The following ASTN2 variants were observed in gnomAD, a reference collection of about 807,000 sequenced individuals.
The protein encoded by ASTN2 is astrotactin-2.
In ASTN2, 54 loss-of-function variants were observed where a neutral mutation model predicts 139.8. That is an observed-to-expected ratio of 0.39 (90% CI 0.31 to 0.48). The LOEUF (loss-of-function observed/expected upper bound fraction) is 0.48. Ranked by LOEUF, ASTN2 falls within the 20% of genes least tolerant of loss-of-function variation. ASTN2 has a pLI of 0.95. For missense variants in ASTN2, 1,565 were observed against 1,725.1 expected (o/e 0.91, Z 1.64); for synonymous variants, 756 against 719.5 (o/e 1.05, Z -0.81).
chr9:116,430,472 T>C (rs1027079381), intron 22 of ASTN2, among the ~76,000 whole-genome samples: 7 of 152,202 alleles, frequency 4.6e-5, no homozygotes, highest in African/African-American at 1.7e-4. Flanking sequence ...ATGTGAATAA[T>C]GGTTTTGCTG....
At chr9:117,291,113 G>A (rs1286504380) in intron 2 of ASTN2, among the ~76,000 whole-genome samples, 1 of 152,208 alleles carries the variant, frequency 6.6e-6, no homozygotes, top group African/African-American at 2.4e-5. Flanking sequence ...CTTCTCTGAA[G>A]CACAATTAGT....
chr9:116,686,977 T>A, intron 16 of ASTN2: 1 of 1,456,178 alleles, frequency 6.9e-7, no homozygotes, highest in Non-Finnish European at 9.1e-7. Flanking sequence ...AACGCTTTGC[T>A]GAGGACTACC....
chr9:116,543,373 G>A (rs1398963324), intron 19 of ASTN2, among the ~76,000 whole-genome samples: 1 of 151,698 alleles, frequency 6.6e-6, no homozygotes, highest in Non-Finnish European at 1.5e-5. Context: ...GGGAGGCTGA[G>A]GCTGCAATGA....
intron 4 of ASTN2, among the ~76,000 whole-genome samples, chr9:117,138,974 T>A (rs1830013123): frequency 6.6e-6 from 1 of 152,150 alleles, no homozygotes. Context: ...TGCATAAAAA[T>A]AATATTTTTG....
At chr9:117,235,032 G>A (rs540557114) in intron 2 of ASTN2, among the ~76,000 whole-genome samples, 28 of 152,226 alleles carry the variant, frequency 1.8e-4, no homozygotes, top group African/African-American at 6.0e-4. Context: ...TCAGGAGTTC[G>A]AGACCAGCCT....
At chr9:117,145,661 A>T (rs200594777) in intron 3 of ASTN2, among the ~76,000 whole-genome samples, 1 of 152,148 alleles carries the variant, frequency 6.6e-6, no homozygotes, top group Non-Finnish European at 1.5e-5. Flanking sequence ...GCTTCCTGAC[A>T]TTCTTGTCCT....
intron 13 of ASTN2, among the ~76,000 whole-genome samples, chr9:116,792,737 T>G (rs1830590798): frequency 6.6e-6 from 1 of 152,188 alleles, no homozygotes; most frequent in South Asian, 2.1e-4. Context: ...TTCTTTAAGA[T>G]TCCATGGATC....
intron 1 of ASTN2, among the ~76,000 whole-genome samples, chr9:117,369,110 T>C (rs961836748): frequency 6.6e-6 from 1 of 152,198 alleles, no homozygotes; most frequent in Non-Finnish European, 1.5e-5. Context: ...TTCCCCATCA[T>C]GGCTATTTGT....
At chr9:116,543,842 G>T (rs1015986799) in intron 19 of ASTN2, 1 of 152,164 alleles carries the variant, frequency 6.6e-6, no homozygotes, top group Non-Finnish European at 1.5e-5. Context: ...GATGACGCTT[G>T]TGAGGTTCCT....
chr9:116,744,853 G>A (rs1339859541), intron 13 of ASTN2, among the ~76,000 whole-genome samples: 1 of 152,172 alleles, frequency 6.6e-6, no homozygotes, highest in Non-Finnish European at 1.5e-5. Flanking sequence ...TCTGCTAGCT[G>A]TCAGTCCACC....
Position 116,964,216 on chromosome 9 carries a change from G to GGGGTGT in ASTN2, c.1889+10991_1889+10992insACACCC, listed in dbSNP as rs1361325702. On this transcript the variant is annotated intron_variant, in intron 10 of 22. Transcript: ENST00000313400. ...CATCTTTCTGACTAGACTGCCCTGG[G>GGGGTGT]GTGTGTGTGTGTGTGTGTGTGTGTG... 3.4e-3 allele frequency among the ~76,000 whole-genome samples: 474 copies of GGGGTGT among 140,780 alleles called. 2 individuals are homozygous for GGGGTGT. Among genetic ancestry groups the GGGGTGT allele is most frequent in the Non-Finnish European group, 4.7e-3 (309 of 65,644 alleles). 92.4% of individuals were successfully genotyped at this position (140,780 alleles called of 152,430 possible).
intron 13 of ASTN2, among the ~76,000 whole-genome samples, chr9:116,799,252 A>C (rs936806658): frequency 2.0e-5 from 3 of 152,144 alleles, no homozygotes; most frequent in Non-Finnish European, 2.9e-5. Flanking sequence ...GAGTGCTACT[A>C]ACAAACACCA....
At chr9:117,196,138 T>C (rs1831495035) in intron 3 of ASTN2, among the ~76,000 whole-genome samples, 1 of 152,164 alleles carries the variant, frequency 6.6e-6, no homozygotes, top group Non-Finnish European at 1.5e-5. Flanking sequence ...AGTTTTCACC[T>C]GACTCAGCCA....
At chr9:116,464,681 G>A (rs918572984) in intron 20 of ASTN2, among the ~76,000 whole-genome samples, 2 of 152,184 alleles carry the variant, frequency 1.3e-5, no homozygotes, top group African/African-American at 4.8e-5. Flanking sequence ...AACATATTGA[G>A]TTCTGTGTGC....
At chr9:117,261,207 G>A (rs1043641741) in intron 2 of ASTN2, among the ~76,000 whole-genome samples, 2 of 152,140 alleles carry the variant, frequency 1.3e-5, no homozygotes, top group Admixed American at 6.6e-5. Flanking sequence ...AGATCCCTGG[G>A]CATTTTCACT....
At chr9:116,648,760 G>A (rs761618452) in intron 17 of ASTN2, among the ~76,000 whole-genome samples, 11 of 152,024 alleles carry the variant, frequency 7.2e-5, no homozygotes, top group Middle Eastern at 6.8e-3. Context: ...GGAGCTGGGC[G>A]CAGTGGCTTA....
At chr9:116,807,197 G>A (rs565744528) in intron 12 of ASTN2, among the ~76,000 whole-genome samples, 93 of 152,248 alleles carry the variant, frequency 6.1e-4, no homozygotes, top group African/African-American at 1.9e-3. Flanking sequence ...GAAGCTAACC[G>A]CAAAGGGACT....
chr9:116,733,356 T>C (rs1460442472), intron 14 of ASTN2, 43 bp downstream of exon 14: 2 of 1,604,506 alleles, frequency 1.2e-6, no homozygotes, highest in Admixed American at 1.7e-5. Flanking sequence ...AGACTCGGTG[T>C]GTGGTCAGGG....
intron 19 of ASTN2, among the ~76,000 whole-genome samples, chr9:116,605,099 A>G (rs1379239363): frequency 1.3e-5 from 2 of 152,134 alleles, no homozygotes; most frequent in Non-Finnish European, 2.9e-5. Flanking sequence ...AAGGTAGAAA[A>G]AGAAGAAAAG....
Sources: gnomAD v4.1 joint callset for allele counts (sites outside exome capture counted in the v4.1 genomes callset) on GRCh38, gnomAD v4.1.1 for gene constraint, MANE v1.5 for transcripts, NCBI Gene and HGNC (gene_info 2026-07-23, HGNC 2026-07-21) for gene names.